Variants in FAM98C observed in about 807,000 individuals in gnomAD.
FAM98C encodes tRNA splicing ligase complex subunit 3C.
A neutral mutation model predicts 41.1 loss-of-function variants in FAM98C; 38 were observed. That is an observed-to-expected ratio of 0.92 (90% confidence interval 0.71 to 1.21). FAM98C has a LOEUF of 1.21. Among genes scored for constraint, FAM98C ranks in the 50% most tolerant of loss-of-function variants. FAM98C has a pLI of 0.00. For missense variants in FAM98C, 493 were observed against 484.7 expected, an observed-to-expected ratio of 1.02 and a Z score of -0.16; for synonymous variants, 195 against 216.7, an observed-to-expected ratio of 0.90 and a Z score of 0.88.
rs1971052757 is a variant in FAM98C, at chr19:38,407,191, T to G, written c.918+114T>G. The stretch of plus-strand genomic sequence containing the variant: ...CCACCTCTAATCCACCCACTAGACA[T>G]GGCAGCTAGAAGGACCTCGCTCACA... On this transcript the variant is annotated intron_variant, in intron 7 of 7. Transcript: ENST00000252530. The G allele has an allele frequency of 5.4e-6, 7 of 1,289,156 alleles. No homozygotes were observed. The East Asian group carries it at 1.2e-4, about 22-fold the overall frequency. 79.9% of individuals were successfully genotyped at this position (1,289,156 alleles called of 1,614,324 possible).
intron 3 of FAM98C, among the ~76,000 whole-genome samples, chr19:38,404,046 G>A (rs1002985618): frequency 4.6e-5 from 7 of 150,884 alleles, no homozygotes; most frequent in Non-Finnish European, 1.0e-4. Flanking sequence ...GATTACAGGC[G>A]CGCGACACCA....
chr19:38,405,147 A>T (rs1282940562), intron 4 of FAM98C, 34 bp downstream of exon 4: 2 of 1,586,186 alleles, frequency 1.3e-6, no homozygotes, highest in Non-Finnish European at 1.7e-6. Flanking sequence ...GACCTGGGCT[A>T]CCCCACTTTC....
chr19:38,403,264 C>T, intron 1 of FAM98C, 46 bp downstream of exon 1: 1 of 1,537,234 alleles, frequency 6.5e-7, no homozygotes, highest in Non-Finnish European at 8.7e-7. Flanking sequence ...AAGGCCAGGT[C>T]TGCCCCCTGG....
chr19:38,403,898 A>C (rs1487658836), intron 3 of FAM98C, among the ~76,000 whole-genome samples: 2 of 151,880 alleles, frequency 1.3e-5, no homozygotes, highest in Admixed American at 6.6e-5. Flanking sequence ...TTTTTTATTT[A>C]TTTTATTATT....
rs753401549 is a variant in FAM98C, at chr19:38,403,262, G to A, written c.65+44G>A. On this transcript the variant is annotated intron_variant, in intron 1 of 7. Coordinates refer to ENST00000252530, the MANE Select transcript of FAM98C (RefSeq NM_174905.4). Reference sequence around the variant, plus strand: ...AGGCTGGTGGGTGCAGGAAGGCCAGGTCTGCCCCCTGGACGCGGACGAAAA... The same window carrying A: ...AGGCTGGTGGGTGCAGGAAGGCCAGATCTGCCCCCTGGACGCGGACGAAAA... 6 of 1,539,586 alleles carry A rather than the reference G, an allele frequency of 3.9e-6. No homozygotes were observed. The African/African-American group carries it at 7.1e-5, about 18-fold the overall frequency.
chr19:38,404,848 C>T (rs370972184), intron 3 of FAM98C, 60 bp from the exon 4 acceptor site: 7 of 1,591,896 alleles, frequency 4.4e-6, no homozygotes, highest in Non-Finnish European at 6.0e-6. Context: ...GCTTTTTGAC[C>T]AAGATGGATG....
rs1023227766 is a variant in FAM98C at position 38,405,523 on chromosome 19, C to T, written c.638C>T (p.Ala213Val). 18 of 1,614,060 alleles carry T rather than the reference C, an allele frequency of 1.1e-5. No individual in the cohort carries two copies. The highest frequency in any genetic ancestry group is 3.3e-5 in the Admixed American group (2 of 59,992). Residue 213 changes from alanine (A) to valine (V), a missense_variant, in exon 6 of 8, where the codon GCG (alanine) becomes GTG (valine). Ala to Val is a moderately conservative substitution (Grantham distance 64). Coordinates refer to ENST00000252530, the MANE Select transcript of FAM98C (RefSeq NM_174905.4). ...SCSLDAPRWE[A>V]LESLSQSLRD... is the part of the protein sequence containing the mutation. Reference sequence around the variant, plus strand: ...CCTTGAGACCTTTTCTCCCAGGAAGCGTTGGAGTCTCTGTCCCAAAGCCTC... The same window carrying T: ...CCTTGAGACCTTTTCTCCCAGGAAGTGTTGGAGTCTCTGTCCCAAAGCCTC...
At chr19:38,407,166 C>G (rs1230835155) in intron 7 of FAM98C, 89 bp downstream of exon 7, 1 of 1,478,254 alleles carries the variant, frequency 6.8e-7, no homozygotes, top group Non-Finnish European at 9.3e-7. Context: ...TTCAGACTTA[C>G]CACCTCTAAT....
chr19:38,407,398 T>G (rs1229565511), intron 7 of FAM98C: 6 of 247,654 alleles, frequency 2.4e-5, no homozygotes, highest in Admixed American at 4.7e-5. Context: ...CAAGACAGAG[T>G]CTTGCTCTGT....
chr19:38,405,172 G>A, intron 4 of FAM98C, 59 bp downstream of exon 4: 1 of 1,562,590 alleles, frequency 6.4e-7, no homozygotes, highest in Non-Finnish European at 8.7e-7. Flanking sequence ...TGGGGGTGGG[G>A]GTCCTCTCTC....
In FAM98C at chr19:38,405,120, A is replaced by G; in HGVS notation, c.555+7A>G. ...GCAGGAGTTGCATGCTAAGGTAGAG[A>G]GTCAGAGTCCCCTCCCGACCTGGGC... On this transcript the variant is annotated splice_region_variant and intron_variant, in intron 4 of 7. Coordinates refer to ENST00000252530, the MANE Select transcript of FAM98C (RefSeq NM_174905.4). 6.2e-7 allele frequency: 1 copy of G among 1,603,632 alleles called. No individual in the cohort carries two copies. Among genetic ancestry groups the G allele is most frequent in the Non-Finnish European group, 8.5e-7 (1 of 1,172,542 alleles).
intron 4 of FAM98C, 90 bp downstream of exon 4, chr19:38,405,203 C>A: frequency 6.6e-7 from 1 of 1,514,238 alleles, no homozygotes; most frequent in African/African-American, 1.4e-5. Context: ...AGGAGTATTC[C>A]AACCACTGGC....
intron 7 of FAM98C, chr19:38,407,376 CT>C (rs112643516): frequency 0.053 from 13,978 of 264,668 alleles, 136 homozygotes; most frequent in South Asian, 0.083. Flanking sequence ...GTTTTTTAAC[CT>C]TTTTTTTTTT....
chr19:38,405,356 C>G lies in FAM98C; in HGVS notation c.568C>G (p.Gln190Glu), dbSNP rs1226698154. 3 of 1,613,878 alleles carry G rather than the reference C, an allele frequency of 1.9e-6. No individual in the cohort carries two copies. In the East Asian group the frequency reaches 6.7e-5, roughly 36 times the overall value. The change falls in exon 5 of 8, where the codon CAG becomes GAG. Residue 190 changes from glutamine (Q) to glutamate (E), a missense_variant. Coordinates refer to ENST00000252530, the MANE Select transcript of FAM98C (RefSeq NM_174905.4). ...QELHAKISEL[Q>E]PSLPPGSLQP... ...CTTCTCCCATCAGATCTCAGAGCTG[C>G]AGCCTTCTCTGCCCCCAGGGTCCCT... is the stretch of plus-strand genomic sequence containing the variant.
At position 38,405,666 on chromosome 19, in the gene FAM98C, G is replaced by A. The variant is rs376752317; in HGVS notation, c.750+31G>A. 7 of 1,606,692 alleles carry A rather than the reference G, an allele frequency of 4.4e-6. No individual in the cohort carries two copies. The African/African-American group carries it at 6.7e-5, about 15-fold the overall frequency. On this transcript the variant is annotated intron_variant, in intron 6 of 7. Coordinates refer to ENST00000252530, the MANE Select transcript of FAM98C (RefSeq NM_174905.4). ...GTGGGCAGGGGACCATGCAGAATTGGAGAGGCCCAGTTGTGGGGGCTGCAG... is the reference window on the plus strand; with the variant it reads ...GTGGGCAGGGGACCATGCAGAATTGAAGAGGCCCAGTTGTGGGGGCTGCAG...
At position 38,408,627 on chromosome 19, in the gene FAM98C, C is replaced by T. The variant is rs554086555; in HGVS notation, c.919-124C>T. 1.7e-5 allele frequency: 21 copies of T among 1,257,460 alleles called. No homozygotes were observed. The South Asian group carries it at 2.6e-4, about 16-fold the overall frequency. The allele number at this position is 1,257,460 out of a possible 1,614,324, so 77.9% of individuals were successfully genotyped here. A position where few individuals can be genotyped will look rare whatever the true frequency, so the allele number is the denominator to read the frequency against. On this transcript the variant is annotated intron_variant, in intron 7 of 7. Transcript: ENST00000252530. The stretch of plus-strand genomic sequence containing the variant: ...ACCAGTTCAGTCCCCCCTCCCCCAG[C>T]CACTGTACTCAAATAGTCAACATCT...
chr19:38,403,500 G>C lies in FAM98C; in HGVS notation c.214+14G>C. On this transcript the variant is annotated intron_variant, in intron 2 of 7. Coordinates refer to ENST00000252530, the MANE Select transcript of FAM98C (RefSeq NM_174905.4). ...GCGCCGGCGACGGTAAACACGGAGC[G>C]GGAGGGTGGCAGGGGGGCCGCCACG... 7.0e-7 allele frequency: 1 copy of C among 1,418,444 alleles called. No homozygotes were observed. The highest frequency in any genetic ancestry group is 9.1e-7 in the Non-Finnish European group (1 of 1,095,830). 87.9% of individuals were successfully genotyped at this position (1,418,444 alleles called of 1,614,324 possible).
In FAM98C at chr19:38,403,705, G is replaced by C. The variant is rs775352658; in HGVS notation, c.349+11G>C. On this transcript the variant is annotated intron_variant, in intron 3 of 7. Coordinates refer to ENST00000252530, the MANE Select transcript of FAM98C (RefSeq NM_174905.4). Reference sequence around the variant, plus strand: ...GACTGCGCCTGCTGCGTGAGTCCCGGGATGCAGAAGTGGCAAGGCCATGGC... The same window carrying C: ...GACTGCGCCTGCTGCGTGAGTCCCGCGATGCAGAAGTGGCAAGGCCATGGC... The C allele has an allele frequency of 1.3e-5, 18 of 1,401,728 alleles. No homozygotes were observed. In the African/African-American group the frequency reaches 2.7e-4, roughly 21 times the overall value. The allele number at this position is 1,401,728 out of a possible 1,614,324, so 86.8% of individuals were successfully genotyped here.
rs376393197 is a variant in FAM98C at position 38,405,012 on chromosome 19, G to A, written c.454G>A (p.Gly152Ser). Residue 152 changes from glycine to serine, a missense_variant, in exon 4 of 8, where the codon GGC (glycine) becomes AGC (serine). Gly to Ser is a moderately conservative substitution (Grantham distance 56). Coordinates refer to ENST00000252530, the MANE Select transcript of FAM98C (RefSeq NM_174905.4). ...PLGEGVVEGAGMVQELDLTLQ... is the reference protein window; with the variant it reads ...PLGEGVVEGASMVQELDLTLQ... ...TGGTGAAGGGGTAGTGGAGGGAGCC[G>A]GCATGGTCCAAGAACTGGACCTTAC... 2.7e-5 allele frequency: 44 copies of A among 1,614,030 alleles called. No homozygotes were observed. The African/African-American group carries it at 4.3e-4, about 16-fold the overall frequency.
Sources: allele counts gnomAD v4.1 joint callset (sites outside exome capture counted in the v4.1 genomes callset), GRCh38; gene constraint gnomAD v4.1.1; transcripts MANE v1.5; gene names NCBI Gene and HGNC (gene_info 2026-07-23, HGNC 2026-07-21).